URI1: variants seen among roughly 807,000 people sequenced by gnomAD.
URI1 encodes unconventional prefoldin RPB5 interactor 1.
In URI1, 39 loss-of-function variants were observed where a neutral mutation model predicts 60.2. That is an observed-to-expected ratio of 0.65 (90% confidence interval 0.50 to 0.85). URI1 has a LOEUF of 0.85. Among genes scored for constraint, URI1 ranks in the 40% least tolerant of loss-of-function variants. The pLI is 0.00. For synonymous variants in URI1, 251 were observed against 236.8 expected (o/e 1.06, Z -0.55); for missense variants, 691 against 665.9 (o/e 1.04, Z -0.42).
Position 29,928,483 on chromosome 19 carries a change from C to T in URI1, c.63+4729C>T, listed in dbSNP as rs334995. On this transcript the variant is annotated intron_variant, in intron 1 of 10. Transcript: ENST00000360605. Reference sequence around the variant, plus strand: ...CCTTCACTCAGCTCTCTTTTGTCTCCGCCCACTTGTTTCCATCTTCAGTTC... The same window carrying T: ...CCTTCACTCAGCTCTCTTTTGTCTCTGCCCACTTGTTTCCATCTTCAGTTC... Among the ~76,000 whole-genome samples the T allele has an allele frequency of 2.7e-3, 407 of 152,244 alleles. 2 individuals carry two copies. Among genetic ancestry groups the T allele is most frequent in the African/African-American group, 9.3e-3 (388 of 41,552 alleles).
intron 1 of URI1, among the ~76,000 whole-genome samples, chr19:29,953,462 C>G (rs2055204724): frequency 6.6e-6 from 1 of 152,102 alleles, no homozygotes; most frequent in Non-Finnish European, 1.5e-5. Context: ...TCACTTTTTT[C>G]CTCTTTCCAT....
chr19:29,990,200 A>G (rs1005188174), intron 4 of URI1, among the ~76,000 whole-genome samples: 1 of 152,232 alleles, frequency 6.6e-6, no homozygotes, highest in East Asian at 1.9e-4. Context: ...CAACAAGACC[A>G]TCTTAGATAC....
chr19:29,951,532 A>G (rs1206455336), intron 1 of URI1, among the ~76,000 whole-genome samples: 1 of 149,396 alleles, frequency 6.7e-6, no homozygotes, highest in African/African-American at 2.5e-5. Context: ...AGCCCCTTCA[A>G]GCTGGCTCAA....
Position 29,951,456 on chromosome 19 carries a change from A to G in URI1, c.117+8792A>G, listed in dbSNP as rs115002781. ...ATAAACTCATTTTTTTGTTGTTTCA[A>G]GTTGAGAGTGATGTGATTTCTTCAT... On this transcript the variant is annotated intron_variant, in intron 1 of 10. Transcript: ENST00000392271. Among the ~76,000 whole-genome samples, 633 of 152,152 alleles carry G rather than the reference A, an allele frequency of 4.2e-3. 3 individuals are homozygous for G. The highest frequency in any genetic ancestry group is 0.014 in the African/African-American group (598 of 41,500).
chr19:29,988,957 A>G (rs2055707959), intron 4 of URI1, among the ~76,000 whole-genome samples: 1 of 152,132 alleles, frequency 6.6e-6, no homozygotes, highest in Non-Finnish European at 1.5e-5. Flanking sequence ...TGTCAGTTTA[A>G]GAAGTGTAGC....
At chr19:29,976,783 C>T (rs2055528163) in intron 2 of URI1, among the ~76,000 whole-genome samples, 1 of 152,018 alleles carries the variant, frequency 6.6e-6, no homozygotes, top group Non-Finnish European at 1.5e-5. Context: ...AAATTTATTG[C>T]CTTGCTTCCT....
intron 2 of URI1, 50 bp downstream of exon 2, chr19:29,971,277 C>T (rs764062159): frequency 2.0e-5 from 32 of 1,582,604 alleles, no homozygotes; most frequent in Non-Finnish European, 2.7e-5. Flanking sequence ...ATGGGGTAAC[C>T]TACTTGTGTT....
intron 2 of URI1, among the ~76,000 whole-genome samples, chr19:29,980,659 T>G: frequency 7.6e-6 from 1 of 130,738 alleles, no homozygotes; most frequent in African/African-American, 2.9e-5. Flanking sequence ...GCATGGTGGC[T>G]CACACCTGTA....
intron 1 of URI1, among the ~76,000 whole-genome samples, chr19:29,927,705 T>G (rs1226643298): frequency 1.3e-5 from 2 of 151,468 alleles, no homozygotes; most frequent in African/African-American, 4.9e-5. Flanking sequence ...GCCTCCCCAG[T>G]AGCTGGGATT....
chr19:29,972,975 T>C (rs1486759405), intron 2 of URI1, among the ~76,000 whole-genome samples: 2 of 152,154 alleles, frequency 1.3e-5, no homozygotes, highest in African/African-American at 2.4e-5. Context: ...CATTTCTGGT[T>C]TGGTTCAGGA....
At chr19:29,958,181 A>G (rs1433601446) in intron 1 of URI1, 2 of 152,054 alleles carry the variant, frequency 1.3e-5, no homozygotes, top group East Asian at 3.9e-4. Flanking sequence ...AAATACTGAC[A>G]GTTTTATTCA....
intron 4 of URI1, among the ~76,000 whole-genome samples, chr19:29,998,061 T>A (rs1165648858): frequency 2.0e-5 from 3 of 152,286 alleles, no homozygotes; most frequent in South Asian, 2.1e-4. Context: ...CCATATTTTT[T>A]AATTATGCCT....
chr19:29,952,935 A>C (rs1045973770), intron 1 of URI1, among the ~76,000 whole-genome samples: 3 of 152,152 alleles, frequency 2.0e-5, no homozygotes, highest in Non-Finnish European at 4.4e-5. Context: ...TTTTGGTGTC[A>C]TATCTAAGAA....
chr19:29,942,697 G>A, intron 1 of URI1, 33 bp downstream of exon 1: 3 of 1,345,212 alleles, frequency 2.2e-6, no homozygotes, highest in South Asian at 1.8e-5. Context: ...TTCCGCCTCC[G>A]CCCGCCGGGC....
At chr19:29,926,233 CTCCTTCCT>C (rs35040318) in intron 1 of URI1, among the ~76,000 whole-genome samples, 11,451 of 131,634 alleles carry the variant, frequency 0.087, 526 homozygotes, top group African/African-American at 0.12. Context: ...TTCTTCCTCT[CTCCTTCCT>C]TCCTTCCTTC....
At chr19:29,987,749 G>C (rs1018658725) in intron 4 of URI1, among the ~76,000 whole-genome samples, 12 of 152,186 alleles carry the variant, frequency 7.9e-5, no homozygotes, top group Non-Finnish European at 1.6e-4. Context: ...CTCTAGAGTA[G>C]AGAAACATGT....
At chr19:29,949,311 G>A (rs889448318) in intron 1 of URI1, among the ~76,000 whole-genome samples, 4 of 151,290 alleles carry the variant, frequency 2.6e-5, no homozygotes, top group African/African-American at 9.8e-5. Context: ...CATCCCAGAC[G>A]GGGCGGCGGG....
intron 1 of URI1, among the ~76,000 whole-genome samples, chr19:29,970,439 G>A (rs545196104): frequency 6.6e-6 from 1 of 151,952 alleles, no homozygotes; most frequent in Non-Finnish European, 1.5e-5. Flanking sequence ...CAAAAATAGT[G>A]TTATTTTTTT....
chr19:30,013,650 G>A (rs2056050431), intron 10 of URI1, among the ~76,000 whole-genome samples: 1 of 152,058 alleles, frequency 6.6e-6, no homozygotes, highest in East Asian at 1.9e-4. Context: ...TTTAATAGTA[G>A]TTGCTATACA....
Sources: allele counts gnomAD v4.1 joint callset (sites outside exome capture counted in the v4.1 genomes callset), GRCh38; gene constraint gnomAD v4.1.1; transcripts MANE v1.5; gene names NCBI Gene and HGNC (gene_info 2026-07-23, HGNC 2026-07-21).